The following MYH3 variants were observed in gnomAD, a reference collection of about 807,000 sequenced individuals.
MYH3 encodes myosin-3.
Under a neutral mutation model 238.0 loss-of-function variants are expected in MYH3, and 130 were observed. The ratio of observed to expected loss-of-function variants is 0.55; its 90% CI spans 0.47 to 0.63. The LOEUF is 0.63. MYH3 is among the 30% of genes least tolerant of loss of function. The pLI is 0.00. For missense variants in MYH3, 1,853 were observed against 2,374.9 expected (o/e 0.78, Z 4.57); for synonymous variants, 880 against 924.1 (o/e 0.95, Z 0.86).
At chr17:10,656,512 G>A (rs781759021) in intron 1 of MYH3, among the ~76,000 whole-genome samples, 1 of 147,686 alleles carries the variant, frequency 6.8e-6, no homozygotes, top group Non-Finnish European at 1.5e-5. Context: ...ACTCCAGCCT[G>A]GGCGACAAGA....
At chr17:10,641,036 G>C (rs769170925) in intron 19 of MYH3, 49 bp downstream of exon 19, 2 of 1,363,846 alleles carry the variant, frequency 1.5e-6, no homozygotes, top group African/African-American at 1.4e-5. Flanking sequence ...TCAAATTCCA[G>C]TGTTCGTACA....
At position 10,637,905 on chromosome 17, in the gene MYH3, C is replaced by A. The variant is rs748053676; in HGVS notation, c.3760G>T (p.Glu1254Ter). 1.2e-6 allele frequency: 2 copies of A among 1,614,140 alleles called. No individual in the cohort carries two copies. The highest frequency in any genetic ancestry group is 8.5e-7 in the Non-Finnish European group (1 of 1,180,020). The change falls in exon 28 of 41, where the codon GAG (glutamate) becomes TAG (stop). Residue 1254 changes from glutamate to a stop codon, truncating the protein, a stop_gained. Transcript: ENST00000583535. LOFTEE classifies it high-confidence loss of function. ...CCCCTGGCCTCACTTAACTGATCCT[C>A]CAGGGTTCGGCAGATTTTTTCCAGA... Reference protein sequence around the residue: ...ANLEKICRTLEDQLSEARGKN... With the variant: ...ANLEKICRTL
In MYH3 at chr17:10,655,030, A is replaced by G; in HGVS notation, c.35T>C (p.Ile12Thr). The G allele has an allele frequency of 6.2e-7, 1 of 1,614,190 alleles. No homozygotes were observed. Among genetic ancestry groups the G allele is most frequent in the Non-Finnish European group, 8.5e-7 (1 of 1,180,044 alleles). Residue 12 changes from isoleucine (I) to threonine (T), a missense_variant, in exon 3 of 41, where the codon ATA (isoleucine) becomes ACA (threonine). This residue lies in a region of MYH3 where 131 missense variants were observed against 123.5 expected (regional missense o/e 1.06). Coordinates refer to ENST00000583535, the MANE Select transcript of MYH3 (RefSeq NM_002470.4). ...SSDTEMEVFGIAAPFLRKSEK... is the reference protein window; with the variant it reads ...SSDTEMEVFGTAAPFLRKSEK... ...TGACTTCCGGAGGAAAGGAGCAGCT[A>G]TGCCGAACACTTCCATTTCAGTGTC...
chr17:10,656,443 A>G (rs2074431012), intron 1 of MYH3, among the ~76,000 whole-genome samples: 1 of 151,552 alleles, frequency 6.6e-6, no homozygotes, highest in South Asian at 2.1e-4. Flanking sequence ...AGGCTTAGGC[A>G]GGAGAATCAT....
chr17:10,665,294 C>T, the MYH3 span, among the ~76,000 whole-genome samples: 1 of 152,232 alleles, frequency 6.6e-6, no homozygotes, highest in African/African-American at 2.4e-5. Flanking sequence ...AGGCACCCAC[C>T]ACCATGCCCA....
chr17:10,645,600 G>C, intron 12 of MYH3, 107 bp downstream of exon 12: 1 of 1,414,808 alleles, frequency 7.1e-7, no homozygotes, highest in Non-Finnish European at 9.9e-7. Flanking sequence ...TGGGATTACA[G>C]GTGTGAGCCA....
chr17:10,659,488 G>A (rs182324082), upstream of MYH3, among the ~76,000 whole-genome samples: 2 of 152,246 alleles, frequency 1.3e-5, no homozygotes, highest in Admixed American at 1.3e-4. Flanking sequence ...CCTATCTTAC[G>A]TATTTATTTT....
the MYH3 span, chr17:10,675,570 T>C: frequency 6.6e-6 from 1 of 152,218 alleles, no homozygotes; most frequent in Middle Eastern, 3.2e-3. Flanking sequence ...ACTGAACATT[T>C]CAATGGCTCT....
chr17:10,660,158 C>G (rs2074469937), upstream of MYH3, among the ~76,000 whole-genome samples: 1 of 152,204 alleles, frequency 6.6e-6, no homozygotes, highest in Admixed American at 6.5e-5. Flanking sequence ...ATACCTGCCT[C>G]CCAGACTAGT....
rs1319897433 is a variant in MYH3, at chr17:10,642,748, C to G, written c.1582-25G>C. On this transcript the variant is annotated intron_variant, in intron 15 of 40. Transcript: ENST00000583535. The surrounding 1 kb of genome is among the most constrained non-coding windows in gnomAD (Gnocchi z 5.4). ...GCTGGATTGAAGGCAAGGCAAAGTG[C>G]AGAGAGGTAAATATGAGCTGCAGTA... 1 of 1,614,162 alleles carries G rather than the reference C, an allele frequency of 6.2e-7. No individual in the cohort carries two copies. The highest frequency in any genetic ancestry group is 1.7e-5 in the Admixed American group (1 of 60,020).
At chr17:10,637,057 C>T (rs1390051464) in intron 28 of MYH3, among the ~76,000 whole-genome samples, 2 of 121,600 alleles carry the variant, frequency 1.6e-5, no homozygotes, top group African/African-American at 5.3e-5. Context: ...ATAACATTCC[C>T]TTAAACTTTT....
chr17:10,656,216 C>G (rs2074428301), intron 1 of MYH3, 68 bp from the exon 2 acceptor site: 1 of 152,142 alleles, frequency 6.6e-6, no homozygotes, highest in Admixed American at 6.6e-5. Flanking sequence ...GAATCGGCTT[C>G]TGACGAGTTA....
At chr17:10,672,021 C>T in the MYH3 span, among the ~76,000 whole-genome samples, 273 of 152,214 alleles carry the variant, frequency 1.8e-3, 3 homozygotes, top group Admixed American at 3.9e-3. Flanking sequence ...TGCTTTCTGC[C>T]TTTGCTGTCA....
At chr17:10,671,820 C>G in the MYH3 span, among the ~76,000 whole-genome samples, 3 of 151,960 alleles carry the variant, frequency 2.0e-5, no homozygotes, top group Non-Finnish European at 4.4e-5. Context: ...ACCTTGTGAT[C>G]CGCCCGCCTC....
intron 40 of MYH3, among the ~76,000 whole-genome samples, chr17:10,628,978 A>G (rs1191863054): frequency 6.6e-6 from 1 of 152,160 alleles, no homozygotes; most frequent in Non-Finnish European, 1.5e-5. Flanking sequence ...CAGGGGGCGC[A>G]TGAAAGAGCT....
intron 12 of MYH3, 138 bp from the exon 13 acceptor site, chr17:10,644,840 G>A (rs1021082227): frequency 1.1e-5 from 8 of 730,578 alleles, no homozygotes; most frequent in Non-Finnish European, 2.0e-5. Context: ...CATGGCCAAT[G>A]GAAGCTAAGT....
the MYH3 span, chr17:10,677,685 A>G: frequency 6.6e-6 from 1 of 152,258 alleles, no homozygotes; most frequent in African/African-American, 2.4e-5. Flanking sequence ...GAATACATTC[A>G]TGCCTACTGC....
Position 10,631,142 on chromosome 17 carries a change from T to C in MYH3, c.5286+469A>G, listed in dbSNP as rs374005448. On this transcript the variant is annotated intron_variant, in intron 36 of 40. Transcript: ENST00000583535. ...TAGTCTGACTTGATACTCAGCCTCA[T>C]AGATTTGGGGATAGTGAGATTAAGG... Among the ~76,000 whole-genome samples, 21 of 152,272 alleles carry C rather than the reference T, an allele frequency of 1.4e-4. No homozygotes were observed. The East Asian group carries it at 3.1e-3, about 22-fold the overall frequency.
At chr17:10,660,911 G>A (rs1334514753), upstream of MYH3, among the ~76,000 whole-genome samples, 1 of 151,540 alleles carries the variant, frequency 6.6e-6, no homozygotes, top group African/African-American at 2.4e-5. Context: ...CTTGAACCCA[G>A]GAGGCAGACA....
Sources: gnomAD v4.1 joint callset for allele counts (sites outside exome capture counted in the v4.1 genomes callset) on GRCh38, gnomAD v4.1.1 for gene constraint, gnomAD v4.1.1 regional missense constraint, Gnocchi (gnomAD v3.1) non-coding constraint, MANE v1.5 for transcripts, NCBI Gene and HGNC (gene_info 2026-07-23, HGNC 2026-07-21) for gene names.